The following IL1RAPL2 variants were observed in gnomAD, a reference collection of about 807,000 sequenced individuals.
The protein encoded by IL1RAPL2 is X-linked interleukin-1 receptor accessory protein-like 2.
Under a neutral mutation model 44.1 loss-of-function variants are expected in IL1RAPL2, and 3 were observed. That is an observed-to-expected ratio of 0.07 (90% confidence interval 0.03 to 0.18). The LOEUF (loss-of-function observed/expected upper bound fraction) is 0.18. IL1RAPL2 is among the 10% of genes least tolerant of loss of function. The probability of loss-of-function intolerance (pLI) is 1.00; values close to 1 mark genes in which losing one functional copy is unlikely to be tolerated. For missense variants in IL1RAPL2, 391 were observed against 496.4 expected (o/e 0.79, Z 2.02); for synonymous variants, 181 against 178.8 (o/e 1.01, Z -0.10).
chrX:105,568,809 A>T (rs958116616), intron 6 of IL1RAPL2, among the ~76,000 whole-genome samples: 9 of 111,950 alleles, frequency 8.0e-5, no homozygotes, highest in African/African-American at 2.6e-4. Flanking sequence ...TTACCGGATT[A>T]TGTGGAATGC....
intron 6 of IL1RAPL2, among the ~76,000 whole-genome samples, chrX:105,695,582 A>G (rs1274286322): frequency 9.0e-6 from 1 of 111,548 alleles, no homozygotes; most frequent in Non-Finnish European, 1.9e-5. Context: ...TTATCCATGC[A>G]TAGAAACTCA....
intron 2 of IL1RAPL2, among the ~76,000 whole-genome samples, chrX:105,098,725 C>T (rs1195615813): frequency 2.7e-5 from 3 of 111,684 alleles, no homozygotes; most frequent in Non-Finnish European, 5.6e-5. Context: ...CTTTTTCTTC[C>T]CCTTCTGATT....
intron 3 of IL1RAPL2, among the ~76,000 whole-genome samples, chrX:105,227,388 C>T (rs56061210): frequency 0.15 from 16,421 of 110,849 alleles, 3,015 homozygotes; most frequent in African/African-American, 0.51. Flanking sequence ...ATTCTTTGTT[C>T]TGTTTTGTTT....
intron 2 of IL1RAPL2, among the ~76,000 whole-genome samples, chrX:105,118,038 T>C (rs1277741147): frequency 1.8e-5 from 2 of 112,499 alleles, no homozygotes; most frequent in African/African-American, 3.2e-5. Flanking sequence ...TCTCTGTTAG[T>C]TGTTGCCTGA....
intron 5 of IL1RAPL2, among the ~76,000 whole-genome samples, chrX:105,407,198 G>A (rs1204012827): frequency 9.1e-6 from 1 of 110,060 alleles, no homozygotes; most frequent in Non-Finnish European, 1.9e-5. Context: ...GTTCTGAGCG[G>A]TGCATAAGGG....
intron 2 of IL1RAPL2, among the ~76,000 whole-genome samples, chrX:105,119,743 A>C (rs1232556913): frequency 9.0e-6 from 1 of 111,652 alleles, no homozygotes. Context: ...TTAACAAAAA[A>C]TGTACAGCTG....
intron 2 of IL1RAPL2, among the ~76,000 whole-genome samples, chrX:104,941,904 A>G (rs1424938607): frequency 8.9e-6 from 1 of 112,023 alleles, no homozygotes; most frequent in South Asian, 3.7e-4. Context: ...ATCCAGATTC[A>G]GCTTTCTACA....
At chrX:105,335,684 A>G (rs968931400) in intron 5 of IL1RAPL2, among the ~76,000 whole-genome samples, 6 of 111,185 alleles carry the variant, frequency 5.4e-5, no homozygotes, top group Admixed American at 1.9e-4. Flanking sequence ...CCAGTCGACC[A>G]CCTCAAATAG....
chrX:104,961,084 A>G (rs2029997126), intron 2 of IL1RAPL2, among the ~76,000 whole-genome samples: 1 of 111,673 alleles, frequency 9.0e-6, no homozygotes, highest in South Asian at 3.8e-4. Flanking sequence ...AAAAAAGATA[A>G]TTGGATGACA....
In IL1RAPL2 at chrX:104,814,320, A is replaced by C. The variant is rs1449690890; in HGVS notation, c.82+155325A>C. On this transcript the variant is annotated intron_variant, in intron 2 of 10. Transcript: ENST00000372582. ...GACCTTTCTCTGAACTGTATCGTAC[A>C]TCCCCACTGTGAATAATAACCATAT... Among the ~76,000 whole-genome samples the C allele has an allele frequency of 1.4e-4, 16 of 112,358 alleles. No individual in the cohort carries two copies. In the Admixed American group the frequency reaches 1.5e-3, roughly 11 times the overall value.
chrX:104,876,475 T>C (rs1220143202), intron 2 of IL1RAPL2, among the ~76,000 whole-genome samples: 2 of 111,144 alleles, frequency 1.8e-5, no homozygotes, highest in Non-Finnish European at 3.8e-5. Flanking sequence ...AAAATCAAAA[T>C]GTTTCTTAAT....
chrX:105,209,074 G>C (rs1424997112), intron 3 of IL1RAPL2, among the ~76,000 whole-genome samples: 1 of 111,545 alleles, frequency 9.0e-6, no homozygotes, highest in Non-Finnish European at 1.9e-5. Flanking sequence ...AATTTTACGA[G>C]GTGACAGTCC....
intron 5 of IL1RAPL2, among the ~76,000 whole-genome samples, chrX:105,272,431 T>C (rs1363608632): frequency 1.8e-5 from 2 of 112,064 alleles, no homozygotes; most frequent in South Asian, 3.7e-4. Flanking sequence ...TTTATGCAGC[T>C]TTTTAGACAT....
chrX:105,167,863 A>G (rs777514948), intron 2 of IL1RAPL2, among the ~76,000 whole-genome samples: 1 of 110,987 alleles, frequency 9.0e-6, no homozygotes, highest in East Asian at 2.9e-4. Context: ...AAAGTCTTTT[A>G]TATAATTTGC....
At chrX:105,424,598 G>T (rs951644574) in intron 5 of IL1RAPL2, among the ~76,000 whole-genome samples, 2 of 108,603 alleles carry the variant, frequency 1.8e-5, no homozygotes, top group African/African-American at 6.7e-5. Context: ...GGGGATGGGG[G>T]TACTGTGGAG....
intron 2 of IL1RAPL2, among the ~76,000 whole-genome samples, chrX:104,960,262 A>G (rs2029980788): frequency 8.9e-6 from 1 of 112,220 alleles, no homozygotes; most frequent in African/African-American, 3.2e-5. Context: ...GAATACAAGG[A>G]AAGGAAAACT....
intron 1 of IL1RAPL2, among the ~76,000 whole-genome samples, chrX:104,639,431 T>C (rs1602657475): frequency 1.8e-5 from 2 of 112,205 alleles, no homozygotes; most frequent in East Asian, 5.6e-4. Flanking sequence ...TTCAAGATTA[T>C]TATTGATCTG....
intron 4 of IL1RAPL2, among the ~76,000 whole-genome samples, chrX:105,250,562 T>C (rs1331875049): frequency 9.1e-6 from 1 of 110,348 alleles, no homozygotes; most frequent in Non-Finnish European, 1.9e-5. Flanking sequence ...AGCCTATTAA[T>C]TAAGAAAAAA....
At chrX:105,287,622 A>G (rs2034581225) in intron 5 of IL1RAPL2, among the ~76,000 whole-genome samples, 1 of 111,705 alleles carries the variant, frequency 9.0e-6, no homozygotes, top group African/African-American at 3.3e-5. Context: ...AACTTGGACT[A>G]GGGTGGAAGT....
Sources: gnomAD v4.1 joint callset for allele counts (sites outside exome capture counted in the v4.1 genomes callset) on GRCh38, gnomAD v4.1.1 for gene constraint, MANE v1.5 for transcripts, NCBI Gene and HGNC (gene_info 2026-07-23, HGNC 2026-07-21) for gene names.